The following NBPF20 variants were observed in gnomAD, a reference collection of about 807,000 sequenced individuals.
NBPF20 encodes NBPF member 20.
A neutral mutation model predicts 68.1 loss-of-function variants in NBPF20; 90 were observed. The ratio of observed to expected loss-of-function variants is 1.32; its 90% confidence interval spans 1.11 to 1.58. The LOEUF is 1.58. Ranked by LOEUF, NBPF20 falls within the 40% of genes most tolerant of loss-of-function variation. NBPF20 has a pLI of 0.00. For missense variants in NBPF20, 816 were observed against 601.2 expected (o/e 1.36, Z -3.74); for synonymous variants, 290 against 228.1 (o/e 1.27, Z -2.45).
At chr1:145,411,871 G>A in the NBPF20 span, among the ~76,000 whole-genome samples, 1 of 43,816 alleles carries the variant, frequency 2.3e-5, no homozygotes, top group East Asian at 3.9e-4. Context: ...GCCAGGCTGA[G>A]GGAAGGTGCA....
At chr1:145,422,715 G>C in the NBPF20 span, among the ~76,000 whole-genome samples, 1 of 152,312 alleles carries the variant, frequency 6.6e-6, no homozygotes, top group South Asian at 2.1e-4. Context: ...ATAGCCGGGT[G>C]GGGTGGCTCA....
intron 129 of NBPF20, among the ~76,000 whole-genome samples, 163 bp from the exon 135 acceptor site, chr1:145,298,297 C>T (rs1370404836): frequency 1.6e-5 from 2 of 126,286 alleles, no homozygotes; most frequent in East Asian, 2.3e-4. Context: ...CAGAACAGGG[C>T]CAAATGGAAA....
exon 138 of NBPF20, chr1:145,291,553 G>A (rs782212215): frequency 2.7e-5 from 43 of 1,611,884 alleles, no homozygotes; most frequent in Middle Eastern, 2.2e-4. Context: ...CTCCCATCTG[G>A]AACACCAGGT....
chr1:145,410,696 ATATATGTGTG>A, the NBPF20 span, among the ~76,000 whole-genome samples: 1 of 108,558 alleles, frequency 9.2e-6, no homozygotes, highest in African/African-American at 3.3e-5. Flanking sequence ...TGCAATATAT[ATATATGTGTG>A]TGTGTGTGTG....
At chr1:145,411,475 T>G in the NBPF20 span, among the ~76,000 whole-genome samples, 18 of 106,394 alleles carry the variant, frequency 1.7e-4, no homozygotes, top group African/African-American at 5.1e-4. Flanking sequence ...CACTGTAACC[T>G]CTGCCTCCCA....
At chr1:145,402,940 G>A (rs1343650215) in intron 3 of NBPF20, among the ~76,000 whole-genome samples, 3 of 151,404 alleles carry the variant, frequency 2.0e-5, no homozygotes, top group East Asian at 3.9e-4. Flanking sequence ...CTGCTGTGTG[G>A]TTCACACTCC....
rs1661464032 is a variant in NBPF20 at position 145,311,035 on chromosome 1, A to G, written c.13713-205T>C. On this transcript the variant is annotated intron_variant, in intron 113 of 137. Coordinates refer to ENST00000369373, the Ensembl canonical transcript of NBPF20. Reference sequence around the variant, plus strand: ...AAGAGAAAGACAGGGAGAGGGAGGGAGAGAGAGAGAGAGAGAGAGGAGAAA... The same window carrying G: ...AAGAGAAAGACAGGGAGAGGGAGGGGGAGAGAGAGAGAGAGAGAGGAGAAA... Among the ~76,000 whole-genome samples the G allele has an allele frequency of 2.3e-5, 2 of 86,714 alleles. 1 individual carries two copies. The highest frequency in any genetic ancestry group is 1.3e-4 in the African/African-American group (2 of 15,718). The allele number at this position is 86,714 out of a possible 152,430, so 56.9% of individuals were successfully genotyped here.
intron 8 of NBPF20, among the ~76,000 whole-genome samples, chr1:145,394,772 GACT>G (rs1662136386): frequency 6.6e-6 from 1 of 152,112 alleles, no homozygotes; most frequent in African/African-American, 2.4e-5. Flanking sequence ...CATGGCCTGA[GACT>G]AGGAAGAGAG....
chr1:145,291,833 G>C lies in NBPF20; in HGVS notation c.16698-64C>G, dbSNP rs587739500. The stretch of plus-strand genomic sequence containing the variant: ...AATCAGAAACCACAGAGCCCCACTA[G>C]ATTTCAGAAGTCACATAAGGAAGTG... On this transcript the variant is annotated intron_variant, in intron 137 of 137. Transcript: ENST00000369373. 6.9e-4 allele frequency: 1,110 copies of C among 1,611,222 alleles called. 3 individuals are homozygous for C. The African/African-American group carries it at 0.013, about 19-fold the overall frequency.
At chr1:145,397,881 T>G (rs1662335466) in intron 7 of NBPF20, among the ~76,000 whole-genome samples, 1 of 152,006 alleles carries the variant, frequency 6.6e-6, no homozygotes, top group African/African-American at 2.4e-5. Context: ...ACTAAAGGGA[T>G]GGAGGAAGAT....
intron 7 of NBPF20, among the ~76,000 whole-genome samples, chr1:145,397,697 T>A (rs1397925995): frequency 6.6e-6 from 1 of 152,184 alleles, no homozygotes; most frequent in Non-Finnish European, 1.5e-5. Flanking sequence ...AATAACCAGC[T>A]AATATCATAA....
chr1:145,406,085 ATTTTTTTTTTT>A (rs587699811), upstream of NBPF20, among the ~76,000 whole-genome samples: 1 of 117,654 alleles, frequency 8.5e-6, no homozygotes, highest in Non-Finnish European at 1.7e-5. Flanking sequence ...CGCCCGGCTA[ATTTTTTTTTTT>A]TTTTTTTTTT....
chr1:145,292,833 C>T (rs1472187340), intron 136 of NBPF20, among the ~76,000 whole-genome samples: 2 of 69,684 alleles, frequency 2.9e-5, no homozygotes, highest in African/African-American at 7.2e-5. Flanking sequence ...CCTGTCTCAT[C>T]AAATACTCAG....
In NBPF20 at chr1:145,400,767, G is replaced by C. The variant is rs1457122775; in HGVS notation, c.567-173C>G. On this transcript the variant is annotated intron_variant, in intron 5 of 137. Transcript: ENST00000369373. ...CCTGTTCTCTCTGCAACAGAGCATGGCTGCCATGGGAACCAGAGAGGAAGA... is the reference window on the plus strand; with the variant it reads ...CCTGTTCTCTCTGCAACAGAGCATGCCTGCCATGGGAACCAGAGAGGAAGA... Among the ~76,000 whole-genome samples, 436 of 152,266 alleles carry C rather than the reference G, an allele frequency of 2.9e-3. 2 individuals are homozygous for C. Among genetic ancestry groups the C allele is most frequent in the Non-Finnish European group, 4.4e-3 (299 of 68,030 alleles).
At chr1:145,396,361 C>A (rs1181422486) in intron 7 of NBPF20, among the ~76,000 whole-genome samples, 3,659 of 151,124 alleles carry the variant, frequency 0.024, 124 homozygotes, top group African/African-American at 0.084. Flanking sequence ...TGTGGAAAGA[C>A]CAAATCTACA....
chr1:145,407,947 T>G, upstream of NBPF20: 1 of 166,420 alleles, frequency 6.0e-6, no homozygotes, highest in East Asian at 1.5e-4. Flanking sequence ...GGGCTGACAC[T>G]GGGGGGCCAG....
chr1:145,312,085 T>G (rs1661500570), intron 112 of NBPF20, 123 bp downstream of exon 117: 2 of 72,116 alleles, frequency 2.8e-5, no homozygotes, highest in Non-Finnish European at 4.3e-5. Context: ...AACCTACATG[T>G]GCCTATAGGA....
Position 145,393,253 on chromosome 1 carries a change from A to G in NBPF20, c.1044-7T>C. 1 of 637,600 alleles carries G rather than the reference A, an allele frequency of 1.6e-6. No homozygotes were observed. The highest frequency in any genetic ancestry group is 2.4e-5 in the Admixed American group (1 of 42,224). 39.5% of individuals were successfully genotyped at this position (637,600 alleles called of 1,614,324 possible). On this transcript the variant is annotated splice_polypyrimidine_tract_variant and splice_region_variant and intron_variant, in intron 9 of 137. Transcript: ENST00000369373. ...CAGCAGCTCCCTGCTGAGCCTGGAA[A>G]AGTGGGAAAAAGTAAAGAATAAGCC...
chr1:145,393,791 A>T, intron 9 of NBPF20, 93 bp downstream of exon 14: 2 of 1,357,882 alleles, frequency 1.5e-6, no homozygotes, highest in Admixed American at 3.4e-5. Flanking sequence ...CTGACAAGAC[A>T]AAATCATTAT....
Sources: allele counts gnomAD v4.1 joint callset (sites outside exome capture counted in the v4.1 genomes callset), GRCh38; gene constraint gnomAD v4.1.1; transcripts MANE v1.5; gene names NCBI Gene and HGNC (gene_info 2026-07-23, HGNC 2026-07-21).